The following NDST4 variants were observed in gnomAD, a reference collection of about 807,000 sequenced individuals.
NDST4 encodes N-deacetylase and N-sulfotransferase 4, also known as N-heparan sulfate sulfotransferase 4.
Under a neutral mutation model 100.8 loss-of-function variants are expected in NDST4, and 63 were observed. That is an observed-to-expected ratio of 0.62 (90% CI 0.51 to 0.77). The LOEUF (loss-of-function observed/expected upper bound fraction) is 0.77, where lower values mean the gene tolerates loss of function less well. Ranked by LOEUF, NDST4 falls within the 30% of genes least tolerant of loss-of-function variation. The pLI is 0.00. For synonymous variants in NDST4, 377 were observed against 361.8 expected (o/e 1.04, Z -0.48); for missense variants, 943 against 1,018.4 (o/e 0.93, Z 1.01).
intron 7 of NDST4, among the ~76,000 whole-genome samples, 153 bp from the exon 8 acceptor site, chr4:114,852,974 T>A (rs563263120): frequency 4.6e-5 from 7 of 152,330 alleles, no homozygotes; most frequent in South Asian, 2.1e-4. Context: ...AAATCTTTTT[T>A]AAATAAAGTT....
intron 2 of NDST4, among the ~76,000 whole-genome samples, chr4:115,051,129 G>A (rs756308504): frequency 6.6e-6 from 1 of 152,008 alleles, no homozygotes; most frequent in Non-Finnish European, 1.5e-5. Context: ...TTCCATGCCA[G>A]TTGATTATTG....
intron 13 of NDST4, among the ~76,000 whole-genome samples, chr4:114,829,281 G>T (rs73848466): frequency 0.023 from 3,449 of 151,130 alleles, 116 homozygotes; most frequent in African/African-American, 0.08. Context: ...TTCTGGTTTC[G>T]TTTGTCATTG....
intron 6 of NDST4, among the ~76,000 whole-genome samples, chr4:114,871,201 G>A (rs1335201885): frequency 6.6e-6 from 1 of 152,084 alleles, no homozygotes; most frequent in Admixed American, 6.6e-5. Flanking sequence ...TTGCATATCA[G>A]TTTTGCTTAT....
chr4:114,991,641 GA>G (rs1294563561), intron 2 of NDST4, among the ~76,000 whole-genome samples: 1 of 151,840 alleles, frequency 6.6e-6, no homozygotes, highest in African/African-American at 2.4e-5. Flanking sequence ...AGAGAAAAGC[GA>G]AATCTCAATA....
intron 2 of NDST4, among the ~76,000 whole-genome samples, chr4:115,032,121 T>C (rs1008433795): frequency 6.6e-6 from 1 of 152,108 alleles, no homozygotes; most frequent in African/African-American, 2.4e-5. Flanking sequence ...TTAATGACTT[T>C]GCAGAAACAA....
intron 6 of NDST4, among the ~76,000 whole-genome samples, chr4:114,900,673 A>G (rs940875001): frequency 3.9e-5 from 6 of 152,192 alleles, no homozygotes; most frequent in African/African-American, 1.2e-4. Flanking sequence ...GCTAGACCAT[A>G]TAAGTTTGTG....
At chr4:114,881,880 G>A (rs756933061) in intron 6 of NDST4, among the ~76,000 whole-genome samples, 1 of 152,028 alleles carries the variant, frequency 6.6e-6, no homozygotes, top group Non-Finnish European at 1.5e-5. Flanking sequence ...ACTAAAATAT[G>A]TTTACATATT....
intron 2 of NDST4, among the ~76,000 whole-genome samples, chr4:115,032,009 C>A (rs1211171927): frequency 6.6e-6 from 1 of 152,060 alleles, no homozygotes; most frequent in Non-Finnish European, 1.5e-5. Flanking sequence ...AGAATCAAGA[C>A]CCACCGCCCC....
At chr4:115,104,015 C>A (rs976271948) in intron 1 of NDST4, among the ~76,000 whole-genome samples, 2 of 152,052 alleles carry the variant, frequency 1.3e-5, no homozygotes, top group Non-Finnish European at 2.9e-5. Flanking sequence ...TACTAGACAT[C>A]GTACCAAAAT....
chr4:114,938,189 CA>C (rs1466658963), intron 4 of NDST4, among the ~76,000 whole-genome samples: 1 of 151,996 alleles, frequency 6.6e-6, no homozygotes, highest in Non-Finnish European at 1.5e-5. Flanking sequence ...TGGTCAGATT[CA>C]AAGGCAGGGG....
chr4:114,955,707 C>G (rs923988144), intron 4 of NDST4, among the ~76,000 whole-genome samples: 1 of 152,142 alleles, frequency 6.6e-6, no homozygotes. Flanking sequence ...TTAAAAATAT[C>G]TGGAAAGTGA....
chr4:114,999,094 T>C (rs991488961), intron 2 of NDST4, among the ~76,000 whole-genome samples: 1 of 152,122 alleles, frequency 6.6e-6, no homozygotes, highest in African/African-American at 2.4e-5. Flanking sequence ...ACATGATGCA[T>C]ATTTGTTAAT....
chr4:114,971,796 G>T (rs1726520811), intron 3 of NDST4, among the ~76,000 whole-genome samples: 1 of 152,074 alleles, frequency 6.6e-6, no homozygotes, highest in South Asian at 2.1e-4. Flanking sequence ...GTAGCTCCAT[G>T]AAAGGATTAA....
chr4:114,987,013 A>C (rs2126249799), intron 2 of NDST4, among the ~76,000 whole-genome samples: 2 of 151,766 alleles, frequency 1.3e-5, no homozygotes, highest in East Asian at 3.9e-4. Flanking sequence ...TATTTCCTAA[A>C]GGCAAAGTAT....
chr4:114,848,110 G>T, intron 9 of NDST4, 105 bp downstream of exon 9: 1 of 960,684 alleles, frequency 1.0e-6, no homozygotes, highest in Non-Finnish European at 1.5e-6. Flanking sequence ...TCACTGTGGT[G>T]AATTTATCCT....
At chr4:115,050,789 T>C (rs1041206369) in intron 2 of NDST4, among the ~76,000 whole-genome samples, 4 of 152,278 alleles carry the variant, frequency 2.6e-5, no homozygotes, top group South Asian at 2.1e-4. Context: ...TATTAGTTAC[T>C]ATTTTAAGTA....
intron 4 of NDST4, among the ~76,000 whole-genome samples, chr4:114,940,730 T>C (rs2126227672): frequency 6.6e-6 from 1 of 152,290 alleles, no homozygotes; most frequent in East Asian, 1.9e-4. Context: ...AGTCAGGTCC[T>C]ATGAAGGAAT....
chr4:114,918,915 T>C (rs1457840299), intron 6 of NDST4, among the ~76,000 whole-genome samples: 1 of 152,234 alleles, frequency 6.6e-6, no homozygotes, highest in Non-Finnish European at 1.5e-5. Context: ...TTTTTGTTTC[T>C]TGTTTTGGTA....
intron 4 of NDST4, among the ~76,000 whole-genome samples, chr4:114,943,567 T>A (rs1725797814): frequency 6.6e-6 from 1 of 152,182 alleles, no homozygotes; most frequent in Admixed American, 6.5e-5. Context: ...TTTATTACAT[T>A]TGAGTATCTC....
Sources: gnomAD v4.1 joint callset for allele counts (sites outside exome capture counted in the v4.1 genomes callset) on GRCh38, gnomAD v4.1.1 for gene constraint, MANE v1.5 for transcripts, NCBI Gene and HGNC (gene_info 2026-07-23, HGNC 2026-07-21) for gene names.